COL13A1: variants seen among roughly 807,000 people sequenced by gnomAD.
The protein encoded by COL13A1 is collagen type XIII alpha 1 chain, also known as collagen alpha-1(XIII) chain.
In COL13A1, 89 loss-of-function variants were observed where a neutral mutation model predicts 130.9. The ratio of observed to expected loss-of-function variants is 0.68; its 90% CI spans 0.57 to 0.81. The LOEUF (loss-of-function observed/expected upper bound fraction) is 0.81. COL13A1 is among the 30% of genes least tolerant of loss of function. The pLI is 0.00. For missense variants in COL13A1, 879 were observed against 934.6 expected (o/e 0.94, Z 0.78); for synonymous variants, 402 against 341.6 (o/e 1.18, Z -1.95).
chr10:69,936,715 G>A, intron 32 of COL13A1, 41 bp from the exon 33 acceptor site: 1 of 1,613,026 alleles, frequency 6.2e-7, no homozygotes, highest in East Asian at 2.2e-5. Flanking sequence ...GTGTTAACTA[G>A]AGATGCAGTT....
chr10:69,905,237 AACTCT>A (rs1170790721), intron 16 of COL13A1, among the ~76,000 whole-genome samples: 2 of 152,188 alleles, frequency 1.3e-5, no homozygotes, highest in Non-Finnish European at 2.9e-5. Context: ...TCTAGCTGGA[AACTCT>A]AAGCTCATGC....
rs1044048208 is a variant in COL13A1 at position 69,811,227 on chromosome 10, G to A, written c.294+8510G>A. Among the ~76,000 whole-genome samples, 3 of 152,080 alleles carry A rather than the reference G, an allele frequency of 2.0e-5. No individual in the cohort carries two copies. The South Asian group carries it at 6.2e-4, about 32-fold the overall frequency. ...CCTGCCCACCACCCCCTCCCTTCAG[G>A]CGCTTCGGTTTTTTATCCGCTCTTT... On this transcript the variant is annotated intron_variant, in intron 1 of 40. Coordinates refer to ENST00000645393, the MANE Select transcript of COL13A1 (RefSeq NM_001368882.1).
chr10:69,895,697 C>A (rs1226978287), intron 13 of COL13A1, 121 bp downstream of exon 13: 18 of 1,063,836 alleles, frequency 1.7e-5, no homozygotes, highest in Non-Finnish European at 2.3e-5. Context: ...GCAGGAGCAC[C>A]CACTGCCCTC....
rs902260750 is a variant in COL13A1, at chr10:69,956,934, AC to A, written c.2146-66del. On this transcript the variant is annotated intron_variant, in intron 39 of 40. Transcript: ENST00000645393. Reference sequence around the variant, plus strand: ...TGCCAAAATGCGTGTGGCCCTTGTTACCCCTGTCCTGCCCACTTGGTGGACC... The same window carrying A: ...TGCCAAAATGCGTGTGGCCCTTGTTACCCTGTCCTGCCCACTTGGTGGACC... 13 of 1,264,600 alleles carry A rather than the reference AC, an allele frequency of 1.0e-5. No individual in the cohort carries two copies. The African/African-American group carries it at 1.5e-4, about 14-fold the overall frequency. 78.3% of individuals were successfully genotyped at this position (1,264,600 alleles called of 1,614,324 possible).
intron 1 of COL13A1, among the ~76,000 whole-genome samples, chr10:69,818,270 G>A (rs1845118879): frequency 6.6e-6 from 1 of 152,170 alleles, no homozygotes; most frequent in Non-Finnish European, 1.5e-5. Flanking sequence ...TCTCTCCACT[G>A]GGTGATGACC....
intron 7 of COL13A1, among the ~76,000 whole-genome samples, chr10:69,880,846 G>A (rs989337161): frequency 2.6e-5 from 4 of 152,366 alleles, no homozygotes; most frequent in African/African-American, 9.6e-5. Context: ...CAGACAGAAG[G>A]GAGAAAGGGC....
chr10:69,888,451 G>GGTT (rs2060819213), intron 9 of COL13A1, 121 bp downstream of exon 9: 49 of 1,406,946 alleles, frequency 3.5e-5, no homozygotes, highest in Non-Finnish European at 4.8e-5. Context: ...TGGGGCTGAA[G>GGTT]GTTGTCACTA....
intron 17 of COL13A1, among the ~76,000 whole-genome samples, chr10:69,916,888 C>T (rs1250064323): frequency 6.6e-6 from 1 of 152,202 alleles, no homozygotes; most frequent in East Asian, 1.9e-4. Flanking sequence ...CAAGAAGTCC[C>T]AGGCAGGGAC....
At position 69,853,622 on chromosome 10, in the gene COL13A1, A is replaced by G. The variant is rs181626739; in HGVS notation, c.365-14176A>G. 7.2e-5 allele frequency among the ~76,000 whole-genome samples: 11 copies of G among 152,288 alleles called. No individual in the cohort carries two copies. The East Asian group carries it at 1.9e-3, about 27-fold the overall frequency. On this transcript the variant is annotated intron_variant, in intron 2 of 40. Transcript: ENST00000645393. ...GTATAAAAGGAAAACTGCTAGATGT[A>G]CAAAGATATTCACTGCAGCATAGAA...
intron 9 of COL13A1, among the ~76,000 whole-genome samples, 164 bp downstream of exon 9, chr10:69,888,494 CT>C (rs1010692663): frequency 7.9e-5 from 12 of 152,306 alleles, no homozygotes; most frequent in African/African-American, 2.6e-4. Context: ...TGAGTCACCC[CT>C]GACCCCAGTG....
At chr10:69,905,172 G>A (rs1199116768) in intron 16 of COL13A1, among the ~76,000 whole-genome samples, 1 of 152,212 alleles carries the variant, frequency 6.6e-6, no homozygotes, top group Non-Finnish European at 1.5e-5. Context: ...CGCCAATGAA[G>A]CTAGTGCTAC....
chr10:69,819,343 A>T (rs1845438478), intron 1 of COL13A1, among the ~76,000 whole-genome samples: 1 of 152,178 alleles, frequency 6.6e-6, no homozygotes, highest in Admixed American at 6.5e-5. Context: ...TTCCCAAGGG[A>T]ACAGTCTCCA....
Position 69,925,821 on chromosome 10 carries a change from A to G in COL13A1, c.1347A>G (p.Pro449=), listed in dbSNP as rs779090419. ...PDGPKGSKGE[P]GKGEMVDYNG... ...CCTTCCAGGGCTCCAAGGGAGAACC[A>G]GGGAAAGGAGAGATGGTGGATTACA... Residue 449 remains proline, a synonymous_variant, in exon 26 of 41, where the codon CCA becomes CCG. Coordinates refer to ENST00000645393, the MANE Select transcript of COL13A1 (RefSeq NM_001368882.1). 4 of 1,600,336 alleles carry G rather than the reference A, an allele frequency of 2.5e-6. No homozygotes were observed. In the South Asian group the frequency reaches 4.6e-5, roughly 18 times the overall value.
At chr10:69,885,867 C>G (rs1392159985) in intron 7 of COL13A1, among the ~76,000 whole-genome samples, 1 of 152,130 alleles carries the variant, frequency 6.6e-6, no homozygotes, top group African/African-American at 2.4e-5. Context: ...GGATCTCCTC[C>G]CTCGTGCCCT....
intron 3 of COL13A1, among the ~76,000 whole-genome samples, chr10:69,868,246 G>A (rs975339502): frequency 6.6e-6 from 1 of 152,152 alleles, no homozygotes; most frequent in South Asian, 2.1e-4. Flanking sequence ...TGCTCCAGGG[G>A]ACTCACATCC....
rs1220434208 is a variant in COL13A1 at position 69,802,457 on chromosome 10, AC to A, written c.36del (p.Gly13ValfsTer36). ...VAERTHKAAA[T>X]GARGPGELGA... is the part of the protein sequence containing the mutation. ...GGAGCGCACCCACAAAGCGGCAGCC[AC>A]CGGTGCCCGCGGCCCTGGGGAGTTG... On this transcript the variant is annotated frameshift_variant, in exon 1 of 41. Coordinates refer to ENST00000645393, the MANE Select transcript of COL13A1 (RefSeq NM_001368882.1). LOFTEE classifies it high-confidence loss of function. The A allele has an allele frequency of 5.3e-6, 8 of 1,505,150 alleles. No individual in the cohort carries two copies. The highest frequency in any genetic ancestry group is 1.5e-5 in the African/African-American group (1 of 68,110). 93.2% of individuals were successfully genotyped at this position (1,505,150 alleles called of 1,614,324 possible).
chr10:69,836,384 G>T (rs1310635767), intron 2 of COL13A1, among the ~76,000 whole-genome samples: 2 of 152,218 alleles, frequency 1.3e-5, no homozygotes, highest in Non-Finnish European at 2.9e-5. Context: ...TTGGTGGCTT[G>T]TGCAGCTGGC....
intron 2 of COL13A1, among the ~76,000 whole-genome samples, chr10:69,829,548 C>T (rs1016798039): frequency 6.6e-6 from 1 of 152,224 alleles, no homozygotes; most frequent in Non-Finnish European, 1.5e-5. Context: ...ATCAGCCAGT[C>T]CATAAAGCTT....
At chr10:69,886,328 A>G (rs2060592233) in intron 7 of COL13A1, among the ~76,000 whole-genome samples, 1 of 152,212 alleles carries the variant, frequency 6.6e-6, no homozygotes, top group Non-Finnish European at 1.5e-5. Flanking sequence ...ATAGATGAGG[A>G]AACTGAGGCT....
Sources: allele counts gnomAD v4.1 joint callset (sites outside exome capture counted in the v4.1 genomes callset), GRCh38; gene constraint gnomAD v4.1.1; transcripts MANE v1.5; gene names NCBI Gene and HGNC (gene_info 2026-07-23, HGNC 2026-07-21).